Variants in ST8SIA1 observed in about 807,000 individuals in gnomAD.
ST8SIA1 encodes alpha-N-acetylneuraminide alpha-2,8-sialyltransferase.
A neutral mutation model predicts 35.9 loss-of-function variants in ST8SIA1; 16 were observed. That is an observed-to-expected ratio of 0.45 (90% CI 0.30 to 0.68). The LOEUF is 0.68. Among genes scored for constraint, ST8SIA1 ranks in the 30% least tolerant of loss-of-function variants. The pLI, the probability that ST8SIA1 is intolerant of heterozygous loss-of-function variation, is 0.09. For missense variants in ST8SIA1, 383 were observed against 453.6 expected, an observed-to-expected ratio of 0.84 and a Z score of 1.41; for synonymous variants, 170 against 169.6, an observed-to-expected ratio of 1.00 and a Z score of -0.02.
At chr12:22,227,490 C>T (rs1172377012) in intron 4 of ST8SIA1, among the ~76,000 whole-genome samples, 2 of 151,922 alleles carry the variant, frequency 1.3e-5, no homozygotes, top group South Asian at 4.2e-4. Context: ...AGGAGAATTG[C>T]TGAACCCGGA....
intron 2 of ST8SIA1, among the ~76,000 whole-genome samples, chr12:22,269,400 G>C (rs1865885776): frequency 6.6e-6 from 1 of 152,090 alleles, no homozygotes. Flanking sequence ...GCCCTCTGTT[G>C]GGTGGACTTC....
intron 4 of ST8SIA1, among the ~76,000 whole-genome samples, chr12:22,207,424 A>C (rs956436311): frequency 6.6e-6 from 1 of 152,228 alleles, no homozygotes; most frequent in East Asian, 1.9e-4. Context: ...ATCAATAGAC[A>C]AGTTGAAATT....
At chr12:22,217,557 C>T (rs1357288404) in intron 4 of ST8SIA1, among the ~76,000 whole-genome samples, 1 of 152,140 alleles carries the variant, frequency 6.6e-6, no homozygotes, top group Non-Finnish European at 1.5e-5. Context: ...AGGCAAACTG[C>T]ACAACCTTAA....
chr12:22,313,055 G>A (rs1171587013), intron 1 of ST8SIA1, among the ~76,000 whole-genome samples: 3 of 152,068 alleles, frequency 2.0e-5, no homozygotes, highest in African/African-American at 7.2e-5. Context: ...GGTAGAGTCC[G>A]AGCTCATGGA....
intron 4 of ST8SIA1, among the ~76,000 whole-genome samples, chr12:22,211,296 G>A (rs952815741): frequency 6.6e-6 from 1 of 152,094 alleles, no homozygotes; most frequent in African/African-American, 2.4e-5. Context: ...TTGAACCGCT[G>A]GCCACTGGTG....
At chr12:22,230,733 T>C (rs1205950590) in intron 4 of ST8SIA1, among the ~76,000 whole-genome samples, 1 of 151,898 alleles carries the variant, frequency 6.6e-6, no homozygotes, top group African/African-American at 2.4e-5. Flanking sequence ...TTGAATAGAG[T>C]AGAGACTAGA....
At chr12:22,272,203 G>T (rs568148091) in intron 2 of ST8SIA1, among the ~76,000 whole-genome samples, 1 of 152,162 alleles carries the variant, frequency 6.6e-6, no homozygotes, top group African/African-American at 2.4e-5. Context: ...TTTTTGACCT[G>T]CTATGGTCTT....
intron 1 of ST8SIA1, 39 bp from the exon 2 acceptor site, chr12:22,287,332 T>A: frequency 6.3e-7 from 1 of 1,592,986 alleles, no homozygotes. Flanking sequence ...GAACAGCAGG[T>A]TAAATGAGGA....
At chr12:22,238,898 A>C (rs1029886872) in intron 4 of ST8SIA1, among the ~76,000 whole-genome samples, 1 of 152,156 alleles carries the variant, frequency 6.6e-6, no homozygotes, top group South Asian at 2.1e-4. Flanking sequence ...ATTTTCTCTC[A>C]ATGAAGGATC....
chr12:22,228,230 C>A (rs974846117), intron 4 of ST8SIA1, among the ~76,000 whole-genome samples: 12 of 152,190 alleles, frequency 7.9e-5, no homozygotes, highest in African/African-American at 2.9e-4. Flanking sequence ...TGTTTCTTTG[C>A]CAGTGGATAG....
chr12:22,320,650 G>A (rs970759592), intron 1 of ST8SIA1, among the ~76,000 whole-genome samples: 3 of 151,982 alleles, frequency 2.0e-5, no homozygotes, highest in Non-Finnish European at 4.4e-5. Flanking sequence ...TTCGAGACCA[G>A]CCCGGGCAAC....
chr12:22,274,411 G>A (rs1040152095), intron 2 of ST8SIA1, among the ~76,000 whole-genome samples: 1 of 151,882 alleles, frequency 6.6e-6, no homozygotes, highest in Non-Finnish European at 1.5e-5. Flanking sequence ...GAAATGAGAT[G>A]GTAAAGACAA....
chr12:22,303,557 C>T (rs1055622856), intron 1 of ST8SIA1, among the ~76,000 whole-genome samples: 1 of 152,122 alleles, frequency 6.6e-6, no homozygotes, highest in Admixed American at 6.5e-5. Context: ...AGATTAACAA[C>T]CAGCTGGTTT....
At chr12:22,229,401 C>T (rs1865390946) in intron 4 of ST8SIA1, among the ~76,000 whole-genome samples, 2 of 151,730 alleles carry the variant, frequency 1.3e-5, no homozygotes, top group African/African-American at 4.8e-5. Context: ...AGGATCACTC[C>T]AGGCCAGGGA....
chr12:22,287,375 T>A, intron 1 of ST8SIA1, 82 bp from the exon 2 acceptor site: 1 of 1,453,282 alleles, frequency 6.9e-7, no homozygotes, highest in Non-Finnish European at 9.3e-7. Flanking sequence ...CCCACAGAGA[T>A]GTGCCACCTT....
At chr12:22,234,259 CAA>C (rs34820200) in intron 4 of ST8SIA1, among the ~76,000 whole-genome samples, 1 of 139,064 alleles carries the variant, frequency 7.2e-6, no homozygotes. Context: ...AACTCTGTCT[CAA>C]AAAAAAAAAA....
Position 22,282,931 on chromosome 12 carries a change from G to T in ST8SIA1, c.381+4218C>A, listed in dbSNP as rs183131660. ...AATTTTATTAAAAGAAAAAAAAATT[G>T]CTGTGAAACTCAGGGATATCCGGGA... On this transcript the variant is annotated intron_variant, in intron 2 of 4. Transcript: ENST00000396037. Among the ~76,000 whole-genome samples, 415 of 152,202 alleles carry T rather than the reference G, an allele frequency of 2.7e-3. 1 individual carries two copies. The highest frequency in any genetic ancestry group is 0.01 in the Middle Eastern group (3 of 294).
At chr12:22,217,283 C>T (rs552958229) in intron 4 of ST8SIA1, among the ~76,000 whole-genome samples, 3 of 152,164 alleles carry the variant, frequency 2.0e-5, no homozygotes, top group East Asian at 3.9e-4. Context: ...TAAGGCCATA[C>T]TAAACTTTAA....
intron 2 of ST8SIA1, among the ~76,000 whole-genome samples, chr12:22,283,935 T>C (rs1012203020): frequency 6.6e-6 from 1 of 152,228 alleles, no homozygotes; most frequent in African/African-American, 2.4e-5. Flanking sequence ...TATGAAGTTA[T>C]GTACACCGCA....
Sources: gnomAD v4.1 joint callset for allele counts (sites outside exome capture counted in the v4.1 genomes callset) on GRCh38, gnomAD v4.1.1 for gene constraint, MANE v1.5 for transcripts, NCBI Gene and HGNC (gene_info 2026-07-23, HGNC 2026-07-21) for gene names.